The following FOXN3 variants were observed in gnomAD, a reference collection of about 807,000 sequenced individuals.
The protein encoded by FOXN3 is forkhead box N3.
FOXN3 carries 7 observed loss-of-function variants against 38.4 expected under a neutral mutation model. The observed-to-expected ratio is 0.18, with a 90% confidence interval of 0.10 to 0.34. FOXN3 has a LOEUF of 0.34. Ranked by LOEUF, FOXN3 falls within the 10% of genes least tolerant of loss-of-function variation. The pLI is 1.00. For synonymous variants in FOXN3, 230 were observed against 242.2 expected (o/e 0.95, Z 0.47); for missense variants, 456 against 613.4 (o/e 0.74, Z 2.71).
intron 3 of FOXN3, among the ~76,000 whole-genome samples, chr14:89,316,512 T>C (rs1395607005): frequency 3.3e-4 from 42 of 126,156 alleles, no homozygotes; most frequent in African/African-American, 1.2e-3. Flanking sequence ...CGTGTCACCA[T>C]GTCCAACTAC....
intron 1 of FOXN3, among the ~76,000 whole-genome samples, chr14:89,529,554 T>A (rs1322546428): frequency 1.3e-5 from 2 of 152,184 alleles, no homozygotes; most frequent in African/African-American, 4.8e-5. Context: ...AGACACTACT[T>A]TCCTCCTTTA....
At chr14:89,560,247 C>T (rs1315128373) in intron 1 of FOXN3, among the ~76,000 whole-genome samples, 4 of 152,196 alleles carry the variant, frequency 2.6e-5, no homozygotes, top group Non-Finnish European at 5.9e-5. Context: ...CAGTCACCTC[C>T]ACCAGGTCCC....
chr14:89,498,050 A>C (rs1319733469), intron 1 of FOXN3, among the ~76,000 whole-genome samples: 1 of 151,954 alleles, frequency 6.6e-6, no homozygotes, highest in East Asian at 1.9e-4. Flanking sequence ...CTATTTGTAT[A>C]TCTTCCTTGG....
upstream of FOXN3, chr14:89,417,653 G>A (rs765561351): frequency 6.6e-6 from 3 of 455,598 alleles, no homozygotes; most frequent in South Asian, 4.6e-5. Flanking sequence ...TACATGGCTC[G>A]AAAGTAAAAA....
chr14:89,520,298 T>G (rs1012765912), intron 1 of FOXN3, among the ~76,000 whole-genome samples: 7 of 151,974 alleles, frequency 4.6e-5, no homozygotes, highest in Admixed American at 1.3e-4. Context: ...GTTGGCGCGA[T>G]CACAGCTCGC....
At chr14:89,554,782 C>CTT (rs34530866) in intron 1 of FOXN3, among the ~76,000 whole-genome samples, 776 of 68,446 alleles carry the variant, frequency 0.011, 9 homozygotes, top group African/African-American at 0.026. Flanking sequence ...ACTAGCATTT[C>CTT]TTTTTTTTTT....
intron 1 of FOXN3, among the ~76,000 whole-genome samples, chr14:89,447,296 T>G (rs975881231): frequency 1.3e-5 from 2 of 152,076 alleles, no homozygotes; most frequent in Non-Finnish European, 2.9e-5. Flanking sequence ...CAAATTGGTC[T>G]CTGTAAAGAC....
intron 4 of FOXN3, among the ~76,000 whole-genome samples, chr14:89,274,198 G>C (rs1309071474): frequency 6.6e-6 from 1 of 152,170 alleles, no homozygotes; most frequent in Non-Finnish European, 1.5e-5. Flanking sequence ...AGGGGTGCCA[G>C]GACTCCAGAC....
intron 3 of FOXN3, among the ~76,000 whole-genome samples, chr14:89,293,747 G>A (rs952848468): frequency 6.6e-6 from 1 of 152,174 alleles, no homozygotes; most frequent in Middle Eastern, 3.4e-3. Flanking sequence ...TGAATGGAGC[G>A]GCGGTTGGGG....
intron 3 of FOXN3, among the ~76,000 whole-genome samples, chr14:89,309,379 G>A (rs1463585410): frequency 6.6e-6 from 1 of 152,180 alleles, no homozygotes; most frequent in Admixed American, 6.6e-5. Context: ...CACTGGGCAG[G>A]CGCAGAGGGG....
intron 4 of FOXN3, among the ~76,000 whole-genome samples, chr14:89,256,256 C>G (rs757834760): frequency 3.9e-5 from 6 of 152,132 alleles, no homozygotes; most frequent in Admixed American, 6.6e-5. Context: ...TTCAAACTCT[C>G]TCATATGAAA....
At chr14:89,251,713 A>G (rs772742566) in intron 4 of FOXN3, among the ~76,000 whole-genome samples, 1 of 152,210 alleles carries the variant, frequency 6.6e-6, no homozygotes. Flanking sequence ...GAAATATTCC[A>G]TTTTAAATTT....
chr14:89,295,574 A>G (rs1887009151), intron 3 of FOXN3, among the ~76,000 whole-genome samples: 1 of 151,818 alleles, frequency 6.6e-6, no homozygotes, highest in South Asian at 2.1e-4. Context: ...TCAAACACTA[A>G]GGATTTTTTT....
intron 1 of FOXN3, among the ~76,000 whole-genome samples, chr14:89,529,540 T>C (rs61996508): frequency 0.014 from 2,104 of 152,348 alleles, 14 homozygotes; most frequent in Middle Eastern, 0.037. Flanking sequence ...TATTTGCCAG[T>C]ATTAGACACT....
chr14:89,404,116 C>T (rs939913649), intron 2 of FOXN3, among the ~76,000 whole-genome samples: 11 of 152,066 alleles, frequency 7.2e-5, no homozygotes, highest in African/African-American at 2.7e-4. Flanking sequence ...AATGAGCAGA[C>T]AAATGAAAGG....
At chr14:89,544,558 G>C (rs1191884744) in intron 1 of FOXN3, among the ~76,000 whole-genome samples, 1 of 152,136 alleles carries the variant, frequency 6.6e-6, no homozygotes, top group Admixed American at 6.5e-5. Flanking sequence ...GACAGAGAAA[G>C]GTAAGACCTT....
At chr14:89,397,472 G>T (rs939935311) in intron 2 of FOXN3, among the ~76,000 whole-genome samples, 1 of 149,624 alleles carries the variant, frequency 6.7e-6, no homozygotes, top group Non-Finnish European at 1.5e-5. Context: ...AATCCCTGCT[G>T]TGGAGACCGA....
intron 4 of FOXN3, among the ~76,000 whole-genome samples, chr14:89,193,137 A>G (rs17125475): frequency 6.6e-6 from 1 of 152,024 alleles, no homozygotes; most frequent in Non-Finnish European, 1.5e-5. Flanking sequence ...ATTGAGAACG[A>G]AAGTGCTACA....
intron 1 of FOXN3, among the ~76,000 whole-genome samples, chr14:89,473,416 T>C (rs1258000978): frequency 6.6e-6 from 1 of 150,520 alleles, no homozygotes; most frequent in African/African-American, 2.5e-5. Context: ...CAAGCTGGAG[T>C]GCAGTGGCGT....
Sources: allele counts gnomAD v4.1 joint callset (sites outside exome capture counted in the v4.1 genomes callset), GRCh38; gene constraint gnomAD v4.1.1; transcripts MANE v1.5; gene names NCBI Gene and HGNC (gene_info 2026-07-23, HGNC 2026-07-21).